RTN1: variants seen among roughly 807,000 people sequenced by gnomAD.
RTN1 encodes reticulon-1.
Under a neutral mutation model 65.5 loss-of-function variants are expected in RTN1, and 25 were observed. The observed-to-expected ratio is 0.38, with a 90% CI of 0.28 to 0.53. RTN1 has a LOEUF of 0.53. Among genes scored for constraint, RTN1 ranks in the 20% least tolerant of loss-of-function variants. The pLI, the probability that RTN1 is intolerant of heterozygous loss-of-function variation, is 0.79. For synonymous variants in RTN1, 471 were observed against 447.6 expected (o/e 1.05, Z -0.66); for missense variants, 983 against 1,025.4 (o/e 0.96, Z 0.57).
chr14:59,623,851 T>TCA (rs1387281825), intron 3 of RTN1, among the ~76,000 whole-genome samples: 1 of 152,248 alleles, frequency 6.6e-6, no homozygotes, highest in Non-Finnish European at 1.5e-5. Context: ...GATTGATTTC[T>TCA]CATTGTACCT....
At chr14:59,830,994 A>G (rs1396939705) in intron 1 of RTN1, among the ~76,000 whole-genome samples, 1 of 152,212 alleles carries the variant, frequency 6.6e-6, no homozygotes, top group African/African-American at 2.4e-5. Flanking sequence ...CAGTTTCCCA[A>G]TGAGAATGAG....
chr14:59,763,483 A>C (rs1252094882), intron 1 of RTN1, among the ~76,000 whole-genome samples: 1 of 152,056 alleles, frequency 6.6e-6, no homozygotes, highest in Non-Finnish European at 1.5e-5. Flanking sequence ...AATTACATGC[A>C]ATAAATTTAA....
Position 59,816,286 on chromosome 14 carries a change from T to G in RTN1, c.241+54104A>C, listed in dbSNP as rs1886820417. 6.6e-6 allele frequency among the ~76,000 whole-genome samples: 1 copy of G among 152,116 alleles called. No homozygotes were observed. The highest frequency in any genetic ancestry group is 1.5e-5 in the Non-Finnish European group (1 of 68,018). On this transcript the variant is annotated intron_variant, in intron 1 of 8. Coordinates refer to ENST00000267484, the MANE Select transcript of RTN1 (RefSeq NM_021136.3). The surrounding 1 kb of genome is among the most constrained non-coding windows in gnomAD (Gnocchi z 4.3). ...TGATTAATGAATGCTGATACAGACC[T>G]TTAGTAAAGAACAAAATAACAATTT...
chr14:59,681,527 A>ATGAAT (rs1405017009), intron 3 of RTN1, among the ~76,000 whole-genome samples: 1 of 152,130 alleles, frequency 6.6e-6, no homozygotes, highest in Non-Finnish European at 1.5e-5. Flanking sequence ...CTGGGAAATA[A>ATGAAT]TGAATCTGGG....
chr14:59,724,117 G>A (rs1223575921), intron 3 of RTN1, among the ~76,000 whole-genome samples: 1 of 152,050 alleles, frequency 6.6e-6, no homozygotes, highest in Admixed American at 6.5e-5. Flanking sequence ...GGTCATCCTA[G>A]AAGGTGTAGG....
chr14:59,645,430 C>T (rs1248236441), intron 3 of RTN1, among the ~76,000 whole-genome samples: 1 of 151,824 alleles, frequency 6.6e-6, no homozygotes, highest in Non-Finnish European at 1.5e-5. Context: ...ATGTTTTCTA[C>T]ATGTTACATG....
chr14:59,727,698 C>T lies in RTN1; in HGVS notation c.1016-30G>A. The stretch of plus-strand genomic sequence containing the variant: ...CGTCCCACAGAGCGAAGGAGAGCCA[C>T]GGAGGCACACACACGGACAGACAGA... On this transcript the variant is annotated intron_variant, in intron 2 of 8. Coordinates refer to ENST00000267484, the MANE Select transcript of RTN1 (RefSeq NM_021136.3). The surrounding 1 kb of genome is among the most constrained non-coding windows in gnomAD (Gnocchi z 4.2). 7 of 1,557,384 alleles carry T rather than the reference C, an allele frequency of 4.5e-6. No homozygotes were observed. The highest frequency in any genetic ancestry group is 1.2e-5 in the South Asian group (1 of 83,134).
intron 1 of RTN1, among the ~76,000 whole-genome samples, chr14:59,784,941 T>A (rs947074072): frequency 6.6e-6 from 1 of 152,240 alleles, no homozygotes; most frequent in Non-Finnish European, 1.5e-5. Flanking sequence ...AATTGATACA[T>A]TTTAATAACA....
At position 59,727,590 on chromosome 14, in the gene RTN1, C is replaced by G. The variant is rs773682771; in HGVS notation, c.1094G>C (p.Gly365Ala). Reference protein sequence around the residue: ...ELITAIKEAKGLSYETAENPR... With the variant: ...ELITAIKEAKALSYETAENPR... ...GTTCTCGGCGGTTTCATACGATAAT[C>G]CCTTTGCTTCTTTGATGGCGGTGAT... Residue 365 changes from glycine (G) to alanine (A), a missense_variant, in exon 3 of 9, where the codon GGA (glycine) becomes GCA (alanine). Transcript: ENST00000267484. The surrounding 1 kb of genome is among the most constrained non-coding windows in gnomAD (Gnocchi z 4.2). The G allele has an allele frequency of 1.1e-5, 18 of 1,612,798 alleles. No individual in the cohort carries two copies. The South Asian group carries it at 2.0e-4, about 18-fold the overall frequency.
intron 3 of RTN1, among the ~76,000 whole-genome samples, chr14:59,651,191 T>C (rs866321507): frequency 2.0e-5 from 3 of 151,996 alleles, no homozygotes; most frequent in African/African-American, 7.2e-5. Flanking sequence ...AACAGACACA[T>C]AGAGCCAATG....
chr14:59,780,784 G>C (rs1442093927), intron 1 of RTN1, among the ~76,000 whole-genome samples: 1 of 152,180 alleles, frequency 6.6e-6, no homozygotes, highest in Admixed American at 6.5e-5. Flanking sequence ...GTATCATAGA[G>C]AGCAAGGAAA....
intron 3 of RTN1, among the ~76,000 whole-genome samples, chr14:59,724,752 G>A (rs977890736): frequency 2.0e-5 from 3 of 151,864 alleles, no homozygotes; most frequent in Non-Finnish European, 2.9e-5. Flanking sequence ...GCCTGGGGAA[G>A]GCTGGGCAGC....
At chr14:59,707,708 T>TACACACACAC (rs34046826) in intron 3 of RTN1, among the ~76,000 whole-genome samples, 4 of 145,674 alleles carry the variant, frequency 2.7e-5, no homozygotes, top group Non-Finnish European at 4.5e-5. Context: ...CTCTCTCTTT[T>TACACACACAC]ACACACACAC....
At chr14:59,754,059 A>G (rs1296658427) in intron 1 of RTN1, among the ~76,000 whole-genome samples, 1 of 152,166 alleles carries the variant, frequency 6.6e-6, no homozygotes, top group East Asian at 1.9e-4. Flanking sequence ...AATGGCATTG[A>G]TTTTCAAAAT....
intron 1 of RTN1, among the ~76,000 whole-genome samples, chr14:59,796,172 G>C (rs1411759338): frequency 6.6e-6 from 1 of 152,084 alleles, no homozygotes; most frequent in Admixed American, 6.5e-5. Flanking sequence ...ATACTTATCA[G>C]TATTTTATGA....
intron 3 of RTN1, among the ~76,000 whole-genome samples, chr14:59,696,468 CTTT>C (rs60305720): frequency 1.5e-4 from 22 of 146,220 alleles, no homozygotes; most frequent in African/African-American, 4.0e-4. Context: ...ATTTTAATTA[CTTT>C]TTTTTTTTTT....
intron 1 of RTN1, among the ~76,000 whole-genome samples, chr14:59,844,620 G>T (rs1887373189): frequency 1.3e-5 from 2 of 152,162 alleles, no homozygotes; most frequent in African/African-American, 4.8e-5. Flanking sequence ...ATGTTTAATA[G>T]TTACAGAGTG....
At chr14:59,795,869 A>G (rs1429306484) in intron 1 of RTN1, among the ~76,000 whole-genome samples, 1 of 152,178 alleles carries the variant, frequency 6.6e-6, no homozygotes, top group Non-Finnish European at 1.5e-5. Flanking sequence ...TCAGAAATGT[A>G]ATACGTTTTG....
intron 3 of RTN1, among the ~76,000 whole-genome samples, chr14:59,664,018 G>A (rs533978691): frequency 3.3e-4 from 50 of 152,156 alleles, no homozygotes; most frequent in Middle Eastern, 3.4e-3. Context: ...ACATGCACAC[G>A]TATGTTTATT....
Sources: allele counts gnomAD v4.1 joint callset (sites outside exome capture counted in the v4.1 genomes callset), GRCh38; gene constraint gnomAD v4.1.1; non-coding constraint Gnocchi (gnomAD v3.1); transcripts MANE v1.5; gene names NCBI Gene and HGNC (gene_info 2026-07-23, HGNC 2026-07-21).